Variants in GOLGA8A observed in about 807,000 individuals in gnomAD.
GOLGA8A encodes golgin A8 family member A.
A neutral mutation model predicts 22.1 loss-of-function variants in GOLGA8A; 3 were observed. The observed-to-expected ratio is 0.14, with a 90% CI of 0.06 to 0.35. The LOEUF is 0.35. GOLGA8A is among the 10% of genes least tolerant of loss of function. The pLI is 1.00. For synonymous variants in GOLGA8A, 7 were observed against 91.7 expected (o/e 0.08, Z 5.28); for missense variants, 16 against 233.2 (o/e 0.07, Z 6.07).
chr15:34,424,005 C>T (rs1291096167), intron 2 of GOLGA8A, among the ~76,000 whole-genome samples: 1 of 147,730 alleles, frequency 6.8e-6, no homozygotes, highest in African/African-American at 2.5e-5. Context: ...ACTGATAGCA[C>T]CTGAGGAGAC....
chr15:34,432,519 G>C (rs1893304925), intron 2 of GOLGA8A, among the ~76,000 whole-genome samples: 1 of 148,892 alleles, frequency 6.7e-6, no homozygotes, highest in Non-Finnish European at 1.5e-5. Context: ...GACAAGACCT[G>C]CCTTCTAGAT....
intron 2 of GOLGA8A, among the ~76,000 whole-genome samples, chr15:34,411,546 A>ACTTGTATCTTAATGTCTT: frequency 2.8e-5 from 2 of 72,098 alleles, no homozygotes; most frequent in African/African-American, 1.5e-4. Flanking sequence ...TCTTCTCTCT[A>ACTTGTATCTTAATGTCTT]GAACACATTG....
At chr15:34,424,260 C>A (rs1479164209) in intron 2 of GOLGA8A, among the ~76,000 whole-genome samples, 2 of 134,362 alleles carry the variant, frequency 1.5e-5, no homozygotes, top group Non-Finnish European at 3.2e-5. Flanking sequence ...GCTACAGGGA[C>A]CCCCAGTCAA....
At chr15:34,434,598 AG>A (rs896345289) in intron 2 of GOLGA8A, among the ~76,000 whole-genome samples, 2 of 148,406 alleles carry the variant, frequency 1.3e-5, no homozygotes, top group African/African-American at 5.0e-5. Context: ...GGTGGGCAGC[AG>A]GGGGGTGGGG....
intron 5 of GOLGA8A, among the ~76,000 whole-genome samples, chr15:34,403,607 ATC>A (rs1892107388): frequency 5.3e-5 from 8 of 150,548 alleles, no homozygotes; most frequent in African/African-American, 4.9e-5. Flanking sequence ...AAATGAGAGC[ATC>A]TATAAAGTAT....
intron 2 of GOLGA8A, among the ~76,000 whole-genome samples, chr15:34,431,663 G>C (rs542098823): frequency 1.8e-4 from 26 of 148,468 alleles, no homozygotes; most frequent in African/African-American, 6.2e-4. Context: ...CCCCTGTCTA[G>C]GGCACTTTCC....
intron 1 of GOLGA8A, among the ~76,000 whole-genome samples, chr15:34,435,779 C>T (rs556065911): frequency 1.3e-5 from 2 of 149,250 alleles, no homozygotes; most frequent in African/African-American, 4.9e-5. Context: ...TGCCATCACC[C>T]AGTCCCAGCC....
intron 2 of GOLGA8A, among the ~76,000 whole-genome samples, chr15:34,426,329 T>C (rs1231185468): frequency 6.7e-6 from 1 of 149,366 alleles, no homozygotes; most frequent in Non-Finnish European, 1.5e-5. Flanking sequence ...TTATTTACAG[T>C]AGGATCCCAC....
rs1173316311 is a variant in GOLGA8A, at chr15:34,437,438, C to G, written c.-1252G>C. The G allele has an allele frequency of 1.7e-4, 24 of 138,434 alleles. 1 individual carries two copies. Among genetic ancestry groups the G allele is most frequent in the African/African-American group, 4.2e-4 (16 of 37,902 alleles). 8.6% of individuals were successfully genotyped at this position (138,434 alleles called of 1,614,324 possible). On this transcript the variant is annotated 5_prime_UTR_variant, in exon 1 of 25. Transcript: ENST00000359187. ...GGCTGCCCCGGTCCGCCGCCGTCCT[C>G]GCCGCGCCGCCGTCCTCGCCGCGCC... is the stretch of plus-strand genomic sequence containing the variant.
Position 34,380,858 on chromosome 15 carries a change from C to T in GOLGA8A, c.*553G>A, listed in dbSNP as rs149231939. ...TGGAGGAAAGGCTGTTTCCAGTTCT[C>T]GGCCTTTAAACAGCTCTAAATGTCA... On this transcript the variant is annotated 3_prime_UTR_variant, in exon 25 of 25. Coordinates refer to ENST00000359187, the MANE Select transcript of GOLGA8A (RefSeq NM_181077.5). 0.081 allele frequency: 15,212 copies of T among 188,850 alleles called. 700 individuals are homozygous for T. Among genetic ancestry groups the T allele is most frequent in the East Asian group, 0.16 (1,050 of 6,538 alleles). The allele number at this position is 188,850 out of a possible 1,614,324, so 11.7% of individuals were successfully genotyped here. A position where few individuals can be genotyped will look rare whatever the true frequency, so the allele number is the denominator to read the frequency against.
intron 2 of GOLGA8A, chr15:34,419,681 T>C (rs1277035488): frequency 2.0e-5 from 1 of 50,874 alleles, no homozygotes; most frequent in Admixed American, 2.6e-4. Context: ...ATTGGATTCT[T>C]TGACTCTTTC....
chr15:34,432,250 G>A (rs893213486), intron 2 of GOLGA8A, among the ~76,000 whole-genome samples: 1 of 149,192 alleles, frequency 6.7e-6, no homozygotes, highest in Non-Finnish European at 1.5e-5. Context: ...ACTCTCCGAT[G>A]CCAGCCATCA....
intron 16 of GOLGA8A, among the ~76,000 whole-genome samples, chr15:34,384,300 T>C (rs1321780404): frequency 6.6e-6 from 1 of 151,372 alleles, no homozygotes; most frequent in Non-Finnish European, 1.5e-5. Context: ...GGTACCTTGC[T>C]AGCAATCCCA....
At chr15:34,423,048 G>A (rs1215574148) in intron 2 of GOLGA8A, among the ~76,000 whole-genome samples, 1 of 131,570 alleles carries the variant, frequency 7.6e-6, no homozygotes, top group African/African-American at 2.7e-5. Flanking sequence ...AACAGAGAAC[G>A]GATGCCTAGC....
chr15:34,430,702 G>C lies in GOLGA8A; in HGVS notation c.-1123+4681C>G, dbSNP rs559082035. Among the ~76,000 whole-genome samples, 341 of 149,698 alleles carry C rather than the reference G, an allele frequency of 2.3e-3. 11 individuals carry two copies. The highest frequency in any genetic ancestry group is 0.021 in the Middle Eastern group (6 of 292). ...TAACCCTGGTGACTGCACTGACTGC[G>C]TGCTTTACTGTAGCAGAACAGTTGC... On this transcript the variant is annotated intron_variant, in intron 2 of 24. Transcript: ENST00000359187.
intron 2 of GOLGA8A, among the ~76,000 whole-genome samples, chr15:34,433,484 C>T (rs545148879): frequency 1.3e-5 from 2 of 149,470 alleles, no homozygotes; most frequent in East Asian, 2.0e-4. Flanking sequence ...TTCCCAAACA[C>T]GTTCTCCTCT....
chr15:34,431,767 TA>T lies in GOLGA8A; in HGVS notation c.-1123+3615del, dbSNP rs1182741844. On this transcript the variant is annotated intron_variant, in intron 2 of 24. Transcript: ENST00000359187. ...GACATTGTATACCTAGGCTACATTT[TA>T]AAAAAATATATTTTTATTTTTTAAA... Among the ~76,000 whole-genome samples, 11 of 148,186 alleles carry T rather than the reference TA, an allele frequency of 7.4e-5. 1 individual carries two copies. In the East Asian group the frequency reaches 2.2e-3, roughly 29 times the overall value.
In GOLGA8A at chr15:34,433,909, T is replaced by A. The variant is rs61414908; in HGVS notation, c.-1123+1474A>T. The stretch of plus-strand genomic sequence containing the variant: ...GAAGTAACGCTAATTTATGTAGGGC[T>A]GTCAGGGAGCCGGCAATAAGTGAGG... On this transcript the variant is annotated intron_variant, in intron 2 of 24. Coordinates refer to ENST00000359187, the MANE Select transcript of GOLGA8A (RefSeq NM_181077.5). Among the ~76,000 whole-genome samples, 2 of 149,278 alleles carry A rather than the reference T, an allele frequency of 1.3e-5. 1 individual carries two copies. Among genetic ancestry groups the A allele is most frequent in the Non-Finnish European group, 3.0e-5 (2 of 67,168 alleles).
At position 34,380,204 on chromosome 15, in the gene GOLGA8A, A is replaced by G. The variant is rs1357039086; in HGVS notation, c.*1207T>C. On this transcript the variant is annotated 3_prime_UTR_variant, in exon 25 of 25. Transcript: ENST00000359187. ...GAAAAGAAGTAAATTCCTATGTCAG[A>G]GTAACCGAGGTGGTTGAAGAATAGG... The G allele has an allele frequency of 6.6e-6, 1 of 152,260 alleles. No individual in the cohort carries two copies. The highest frequency in any genetic ancestry group is 1.5e-5 in the Non-Finnish European group (1 of 68,036). The allele number at this position is 152,260 out of a possible 1,614,324, so 9.4% of individuals were successfully genotyped here.
Sources: gnomAD v4.1 joint callset for allele counts (sites outside exome capture counted in the v4.1 genomes callset) on GRCh38, gnomAD v4.1.1 for gene constraint, MANE v1.5 for transcripts, NCBI Gene and HGNC (gene_info 2026-07-23, HGNC 2026-07-21) for gene names.